PHC3: variants seen among roughly 807,000 people sequenced by gnomAD.
The protein encoded by PHC3 is polyhomeotic homolog 3.
A neutral mutation model predicts 107.4 loss-of-function variants in PHC3; 13 were observed. The observed-to-expected ratio is 0.12, with a 90% CI of 0.08 to 0.19. The LOEUF (loss-of-function observed/expected upper bound fraction) is 0.19, where lower values mean the gene tolerates loss of function less well. PHC3 is among the 10% of genes least tolerant of loss of function. PHC3 has a pLI of 1.00. For missense variants in PHC3, 992 were observed against 1,210.9 expected, an observed-to-expected ratio of 0.82 and a Z score of 2.68; for synonymous variants, 456 against 427.4, an observed-to-expected ratio of 1.07 and a Z score of -0.83.
chr3:170,120,717 G>A (rs1357513110), intron 9 of PHC3, among the ~76,000 whole-genome samples: 1 of 152,122 alleles, frequency 6.6e-6, no homozygotes, highest in Non-Finnish European at 1.5e-5. Context: ...TAGTAGTGAG[G>A]GAATAGAAGC....
rs1415289868 is a variant in PHC3 at position 170,090,651 on chromosome 3, C to G, written c.*6579G>C. On this transcript the variant is annotated 3_prime_UTR_variant, in exon 15 of 15. Coordinates refer to ENST00000495893, the MANE Select transcript of PHC3 (RefSeq NM_024947.4). ...AAAGAGAATAAAGTAGGAATAACCCCATTACACAGCCTAGAATCATAGTTT... is the reference window on the plus strand; with the variant it reads ...AAAGAGAATAAAGTAGGAATAACCCGATTACACAGCCTAGAATCATAGTTT... The G allele has an allele frequency of 6.6e-6, 1 of 152,098 alleles. No homozygotes were observed. The highest frequency in any genetic ancestry group is 2.4e-5 in the African/African-American group (1 of 41,414). 9.4% of individuals were successfully genotyped at this position (152,098 alleles called of 1,614,324 possible). A position where few individuals can be genotyped will look rare whatever the true frequency, so the allele number is the denominator to read the frequency against.
chr3:170,135,272 T>G (rs1431761814), intron 7 of PHC3, among the ~76,000 whole-genome samples: 2 of 152,080 alleles, frequency 1.3e-5, no homozygotes, highest in Non-Finnish European at 2.9e-5. Flanking sequence ...TACCTCAGCC[T>G]CCCAAGTAGC....
intron 3 of PHC3, among the ~76,000 whole-genome samples, chr3:170,172,268 C>T (rs73181230): frequency 2.1e-3 from 324 of 151,960 alleles, no homozygotes; most frequent in Non-Finnish European, 3.4e-3. Flanking sequence ...TTTATGTAAG[C>T]CTAAGTACTC....
At chr3:170,155,606 C>G (rs1256831170) in intron 4 of PHC3, among the ~76,000 whole-genome samples, 1 of 151,980 alleles carries the variant, frequency 6.6e-6, no homozygotes, top group East Asian at 1.9e-4. Flanking sequence ...CCTGTGGTCC[C>G]AGCTACTCAG....
At chr3:170,127,291 C>T (rs963158203) in intron 8 of PHC3, among the ~76,000 whole-genome samples, 1 of 152,192 alleles carries the variant, frequency 6.6e-6, no homozygotes, top group Non-Finnish European at 1.5e-5. Flanking sequence ...CTCAGCATCC[C>T]GAGTAGCTGG....
At chr3:170,179,181 T>A (rs1177348944) in intron 1 of PHC3, among the ~76,000 whole-genome samples, 2 of 152,226 alleles carry the variant, frequency 1.3e-5, no homozygotes, top group East Asian at 3.8e-4. Context: ...GTAACTCAGA[T>A]AACGCATAGC....
intron 6 of PHC3, 121 bp from the exon 7 acceptor site, chr3:170,136,786 C>A: frequency 9.7e-7 from 1 of 1,032,600 alleles, no homozygotes; most frequent in Non-Finnish European, 1.4e-6. Context: ...CGTAAAGCTC[C>A]AAGCACTTGA....
Position 170,149,223 on chromosome 3 carries a change from T to C in PHC3, c.436A>G (p.Thr146Ala). Reference sequence around the variant, plus strand: ...GAACGGCTTATTAACTGTGCAGGTGTAGGAGAAGTGGAGAGGTTGATCTAA... The same window carrying C: ...GAACGGCTTATTAACTGTGCAGGTGCAGGAGAAGTGGAGAGGTTGATCTAA... The part of the protein sequence containing the change: ...QTSINLSTSP[T>A]PAQLISRSQA... The change falls in exon 5 of 15, where the codon ACA becomes GCA. Residue 146 changes from threonine (T) to alanine (A), a missense_variant. Thr to Ala is a moderately conservative substitution (Grantham distance 58). This residue lies in a region of PHC3 where 161 missense variants were observed against 183.7 expected (regional missense o/e 0.88). Coordinates refer to ENST00000495893, the MANE Select transcript of PHC3 (RefSeq NM_024947.4). 3 of 1,611,994 alleles carry C rather than the reference T, an allele frequency of 1.9e-6. No homozygotes were observed. Among genetic ancestry groups the C allele is most frequent in the Non-Finnish European group, 8.5e-7 (1 of 1,179,324 alleles).
chr3:170,106,623 C>T (rs934213695), intron 12 of PHC3, among the ~76,000 whole-genome samples: 2 of 152,040 alleles, frequency 1.3e-5, no homozygotes, highest in South Asian at 2.1e-4. Context: ...ATGTAATTTT[C>T]GCAAAGCAAA....
chr3:170,094,057 C>G lies in PHC3; in HGVS notation c.*3173G>C, dbSNP rs1714387560. 6.6e-6 allele frequency: 1 copy of G among 152,156 alleles called. No homozygotes were observed. The highest frequency in any genetic ancestry group is 2.1e-4 in the South Asian group (1 of 4,832). The allele number at this position is 152,156 out of a possible 1,614,324, so 9.4% of individuals were successfully genotyped here. On this transcript the variant is annotated 3_prime_UTR_variant, in exon 15 of 15. Transcript: ENST00000495893. ...TCCTCCCATTCCACCTTGTCTACTC[C>G]TAGGTGACTGCTCTTAAAACACACC...
intron 11 of PHC3, among the ~76,000 whole-genome samples, chr3:170,109,821 A>C (rs1717274634): frequency 6.6e-6 from 1 of 152,124 alleles, no homozygotes; most frequent in South Asian, 2.1e-4. Context: ...TGCTTACCAG[A>C]GGTTTTTTAT....
chr3:170,156,417 T>A (rs986480247), intron 4 of PHC3, among the ~76,000 whole-genome samples: 6 of 150,348 alleles, frequency 4.0e-5, no homozygotes, highest in African/African-American at 1.2e-4. Context: ...CTACCATGCA[T>A]GGCTAATTTT....
chr3:170,149,198 G>C lies in PHC3; in HGVS notation c.461C>G (p.Ser154Cys), dbSNP rs752789528. 55 of 1,613,008 alleles carry C rather than the reference G, an allele frequency of 3.4e-5. No homozygotes were observed. In the South Asian group the frequency reaches 5.3e-4, roughly 15 times the overall value. ...GCCGCTGGTAGAACTGGAAGCCTGG[G>C]AACGGCTTATTAACTGTGCAGGTGT... ...SPTPAQLISRSQASSSTSGSI... is the reference protein window; with the variant it reads ...SPTPAQLISRCQASSSTSGSI... The change falls in exon 5 of 15, where the codon TCC becomes TGC. Residue 154 changes from serine (S) to cysteine (C), a missense_variant. Ser to Cys is a moderately radical substitution (Grantham distance 112). Coordinates refer to ENST00000495893, the MANE Select transcript of PHC3 (RefSeq NM_024947.4).
chr3:170,135,322 T>C (rs1291805102), intron 7 of PHC3, among the ~76,000 whole-genome samples: 1 of 152,114 alleles, frequency 6.6e-6, no homozygotes, highest in Non-Finnish European at 1.5e-5. Flanking sequence ...TGCTAATTTT[T>C]GTATTTTTAG....
At chr3:170,142,767 T>A (rs2108547000) in intron 6 of PHC3, among the ~76,000 whole-genome samples, 1 of 152,264 alleles carries the variant, frequency 6.6e-6, no homozygotes, top group Non-Finnish European at 1.5e-5. Context: ...TGAATTAAAA[T>A]CTTAGTTGGA....
At chr3:170,149,515 C>T (rs990275509) in intron 4 of PHC3, among the ~76,000 whole-genome samples, 20 of 151,642 alleles carry the variant, frequency 1.3e-4, no homozygotes, top group Non-Finnish European at 2.2e-4. Context: ...AGTGCAAGTG[C>T]GCGATTTTGG....
At position 170,093,356 on chromosome 3, in the gene PHC3, A is replaced by C. The variant is rs1159204864; in HGVS notation, c.*3874T>G. Reference sequence around the variant, plus strand: ...TGAGGCCCTTTCATGCCATTAGCTAATGCTCAATGCCAGTAGGCTGCATGT... The same window carrying C: ...TGAGGCCCTTTCATGCCATTAGCTACTGCTCAATGCCAGTAGGCTGCATGT... On this transcript the variant is annotated 3_prime_UTR_variant, in exon 15 of 15. Coordinates refer to ENST00000495893, the MANE Select transcript of PHC3 (RefSeq NM_024947.4). The C allele has an allele frequency of 6.6e-6, 1 of 152,198 alleles. No individual in the cohort carries two copies. The highest frequency in any genetic ancestry group is 1.5e-5 in the Non-Finnish European group (1 of 68,038). The allele number at this position is 152,198 out of a possible 1,614,324, so 9.4% of individuals were successfully genotyped here.
At chr3:170,177,876 G>C (rs1335647781) in intron 2 of PHC3, among the ~76,000 whole-genome samples, 2 of 151,720 alleles carry the variant, frequency 1.3e-5, no homozygotes, top group Non-Finnish European at 2.9e-5. Context: ...TCAACATGTT[G>C]TCCCAGCCAG....
At chr3:170,102,344 T>A in intron 14 of PHC3, 135 bp downstream of exon 14, 1 of 1,455,470 alleles carries the variant, frequency 6.9e-7, no homozygotes, top group Non-Finnish European at 9.0e-7. Flanking sequence ...CATATTTCAA[T>A]AACAAATGTC....
Sources: gnomAD v4.1 joint callset for allele counts (sites outside exome capture counted in the v4.1 genomes callset) on GRCh38, gnomAD v4.1.1 for gene constraint, gnomAD v4.1.1 regional missense constraint, MANE v1.5 for transcripts, NCBI Gene and HGNC (gene_info 2026-07-23, HGNC 2026-07-21) for gene names.